Variants in LINGO1 observed in about 807,000 individuals in gnomAD.
The protein encoded by LINGO1 is leucine rich repeat and Ig domain containing 1.
Under a neutral mutation model 37.3 loss-of-function variants are expected in LINGO1, and 11 were observed. The observed-to-expected ratio is 0.29, with a 90% CI of 0.19 to 0.49. The LOEUF (loss-of-function observed/expected upper bound fraction) is 0.49. Among genes scored for constraint, LINGO1 ranks in the 20% least tolerant of loss-of-function variants. The pLI, the probability that LINGO1 is intolerant of heterozygous loss-of-function variation, is 0.99. For missense variants in LINGO1, 585 were observed against 878.2 expected, an observed-to-expected ratio of 0.67 and a Z score of 4.22; for synonymous variants, 387 against 403.0, an observed-to-expected ratio of 0.96 and a Z score of 0.48.
intron 3 of LINGO1, chr15:77,646,403 T>C: frequency 2.3e-6 from 1 of 439,930 alleles, no homozygotes; most frequent in Non-Finnish European, 4.5e-6. Context: ...CCCTCTGTCA[T>C]GGTGATCAAG....
At chr15:77,803,663 A>G (rs1300230037) in intron 1 of LINGO1, among the ~76,000 whole-genome samples, 3 of 151,914 alleles carry the variant, frequency 2.0e-5, no homozygotes, top group Non-Finnish European at 4.4e-5. Context: ...TGAGTTCTCA[A>G]CAGATCTGAG....
At chr15:77,682,978 A>G (rs1341434163) in intron 2 of LINGO1, among the ~76,000 whole-genome samples, 3 of 152,224 alleles carry the variant, frequency 2.0e-5, no homozygotes, top group Non-Finnish European at 4.4e-5. Flanking sequence ...TATCTCCAAC[A>G]CACAAAACAG....
rs539563250 is a variant in LINGO1 at position 77,614,038 on chromosome 15, C to G, written c.*6G>C. ...CGCCCGGGGGTCCCTGCCCCCCGCC[C>G]CGGCCTCATATCATCTTCATGTTGA... is the stretch of plus-strand genomic sequence containing the variant. On this transcript the variant is annotated 3_prime_UTR_variant, in exon 2 of 2. Transcript: ENST00000355300. The G allele has an allele frequency of 3.1e-5, 49 of 1,563,444 alleles. 1 individual carries two copies. The highest frequency in any genetic ancestry group is 1.5e-4 in the Admixed American group (8 of 52,096).
chr15:77,622,992 C>T (rs1229052265), intron 1 of LINGO1, among the ~76,000 whole-genome samples: 3 of 152,190 alleles, frequency 2.0e-5, no homozygotes, highest in African/African-American at 7.2e-5. Flanking sequence ...CTCCTGTGGC[C>T]CCCAGACTGA....
At chr15:77,789,767 C>T (rs145391581), upstream of LINGO1, among the ~76,000 whole-genome samples, 1,457 of 152,112 alleles carry the variant, frequency 9.6e-3, 21 homozygotes, top group African/African-American at 0.034. Context: ...CCTGCTGACA[C>T]CTTGGGGTTT....
At position 77,783,743 on chromosome 15, in the gene LINGO1, T is replaced by C. The variant is rs531448873; in HGVS notation, c.-257+3126A>G. On this transcript the variant is annotated intron_variant, in intron 1 of 3. Transcript: ENST00000561686. Reference sequence around the variant, plus strand: ...CTTATAGAGGAAGAAGCTGGAGAGATTGTGGGAGTTGCCTGGAGTCCCAGA... The same window carrying C: ...CTTATAGAGGAAGAAGCTGGAGAGACTGTGGGAGTTGCCTGGAGTCCCAGA... Among the ~76,000 whole-genome samples, 31 of 151,740 alleles carry C rather than the reference T, an allele frequency of 2.0e-4. No individual in the cohort carries two copies. The South Asian group carries it at 6.2e-3, about 31-fold the overall frequency.
At position 77,746,520 on chromosome 15, in the gene LINGO1, C is replaced by T. The variant is rs556840592; in HGVS notation, c.-256-11467G>A. Among the ~76,000 whole-genome samples the T allele has an allele frequency of 1.3e-3, 204 of 152,310 alleles. 2 individuals are homozygous for T. The highest frequency in any genetic ancestry group is 4.8e-3 in the African/African-American group (200 of 41,574). On this transcript the variant is annotated intron_variant, in intron 1 of 3. Transcript: ENST00000561686. The stretch of plus-strand genomic sequence containing the variant: ...AGAGCACCCTGAACCTGTGGTCTGG[C>T]TGGGGACCAGAGCAGACCTAAGGGG...
chr15:77,715,806 C>T (rs994741619), intron 2 of LINGO1, among the ~76,000 whole-genome samples: 1 of 152,184 alleles, frequency 6.6e-6, no homozygotes, highest in Non-Finnish European at 1.5e-5. Context: ...CCCTCCTCTC[C>T]ATTCATCTCA....
chr15:77,779,642 G>A (rs2076695641), intron 1 of LINGO1, among the ~76,000 whole-genome samples: 1 of 152,140 alleles, frequency 6.6e-6, no homozygotes, highest in Admixed American at 6.5e-5. Flanking sequence ...CTGATCTTAT[G>A]GGGGCGGAGC....
intron 1 of LINGO1, among the ~76,000 whole-genome samples, chr15:77,745,298 C>T (rs905181097): frequency 6.6e-6 from 1 of 151,554 alleles, no homozygotes; most frequent in Non-Finnish European, 1.5e-5. Context: ...TGGTGGTGGG[C>T]GCTTGTAGTC....
intron 1 of LINGO1, among the ~76,000 whole-genome samples, chr15:77,761,304 G>A (rs1349137809): frequency 6.6e-6 from 1 of 152,068 alleles, no homozygotes. Flanking sequence ...GGGCAATACA[G>A]GGACCCACCA....
chr15:77,811,308 C>T (rs56155915), intron 1 of LINGO1, among the ~76,000 whole-genome samples: 16,524 of 152,254 alleles, frequency 0.11, 1,066 homozygotes, highest in African/African-American at 0.18. Context: ...TGATTAATCC[C>T]CACAGCAAAC....
intron 3 of LINGO1, among the ~76,000 whole-genome samples, chr15:77,658,441 C>T (rs2074915401): frequency 1.3e-5 from 2 of 152,246 alleles, no homozygotes; most frequent in South Asian, 4.1e-4. Flanking sequence ...GAGCACCGTT[C>T]TCACCGCACG....
At chr15:77,714,816 T>C (rs2075963900) in intron 2 of LINGO1, among the ~76,000 whole-genome samples, 1 of 152,178 alleles carries the variant, frequency 6.6e-6, no homozygotes, top group Non-Finnish European at 1.5e-5. Flanking sequence ...ACACTCCACT[T>C]TCCCCCAAAC....
chr15:77,646,572 A>G, intron 3 of LINGO1: 2 of 382,978 alleles, frequency 5.2e-6, no homozygotes, highest in Non-Finnish European at 1.1e-5. Context: ...CCCACTTCCA[A>G]GAGGGACAGA....
chr15:77,642,849 C>T (rs1033886997), intron 3 of LINGO1, among the ~76,000 whole-genome samples: 1 of 152,238 alleles, frequency 6.6e-6, no homozygotes, highest in Admixed American at 6.5e-5. Flanking sequence ...CCCAGGGGTC[C>T]TCTCTGCACC....
chr15:77,755,582 A>T (rs1020886083), intron 1 of LINGO1, among the ~76,000 whole-genome samples: 3 of 152,172 alleles, frequency 2.0e-5, no homozygotes, highest in African/African-American at 7.2e-5. Flanking sequence ...TGCTGCCTGC[A>T]CTGTAGGGGC....
At chr15:77,615,941 G>C (rs746440438) in intron 1 of LINGO1, 41 bp from the exon 2 acceptor site, 3 of 1,401,566 alleles carry the variant, frequency 2.1e-6, no homozygotes, top group East Asian at 5.0e-5. Flanking sequence ...TGGCGGTTAG[G>C]GGGCAGTGTG....
intron 2 of LINGO1, among the ~76,000 whole-genome samples, chr15:77,716,233 AC>A (rs2075982364): frequency 7.4e-6 from 1 of 135,190 alleles, no homozygotes; most frequent in East Asian, 3.1e-4. Flanking sequence ...GCTTCTCAAT[AC>A]AGACACTGCT....
Sources: allele counts gnomAD v4.1 joint callset (sites outside exome capture counted in the v4.1 genomes callset), GRCh38; gene constraint gnomAD v4.1.1; transcripts MANE v1.5; gene names NCBI Gene and HGNC (gene_info 2026-07-23, HGNC 2026-07-21).